EFHC2: variants seen among roughly 807,000 people sequenced by gnomAD.
EFHC2 encodes EF-hand domain containing 2.
In EFHC2, 18 loss-of-function variants were observed where a neutral mutation model predicts 52.7. The observed-to-expected ratio is 0.34, with a 90% CI of 0.24 to 0.51. The LOEUF (loss-of-function observed/expected upper bound fraction) is 0.51, where lower values mean the gene tolerates loss of function less well. Among genes scored for constraint, EFHC2 ranks in the 20% least tolerant of loss-of-function variants. The pLI, the probability that EFHC2 is intolerant of heterozygous loss-of-function variation, is 0.97. For synonymous variants in EFHC2, 203 were observed against 204.1 expected, an observed-to-expected ratio of 0.99 and a Z score of 0.04; for missense variants, 513 against 562.5, an observed-to-expected ratio of 0.91 and a Z score of 0.89.
intron 9 of EFHC2, among the ~76,000 whole-genome samples, chrX:44,234,850 A>G (rs967174591): frequency 1.8e-5 from 2 of 111,793 alleles, no homozygotes; most frequent in Non-Finnish European, 3.8e-5. Context: ...AGGACCAGAT[A>G]AAGATGGACC....
intron 11 of EFHC2, among the ~76,000 whole-genome samples, chrX:44,181,349 G>GAA (rs5902341): frequency 9.9e-6 from 1 of 100,924 alleles, no homozygotes; most frequent in African/African-American, 3.6e-5. Flanking sequence ...TTGTCTAAAT[G>GAA]AAAAAAAAAA....
chrX:44,274,152 T>C (rs2037637628), intron 2 of EFHC2, among the ~76,000 whole-genome samples: 1 of 112,452 alleles, frequency 8.9e-6, no homozygotes, highest in Non-Finnish European at 1.9e-5. Context: ...CAGTTACAAA[T>C]ACTAACCAGG....
rs547112803 is a variant in EFHC2, at chrX:44,221,431, T to C, written c.1751+8218A>G. On this transcript the variant is annotated intron_variant, in intron 11 of 14. Coordinates refer to ENST00000420999, the MANE Select transcript of EFHC2 (RefSeq NM_025184.4). ...TGATTTGAAATGTTCTCCATACTTATACGAAAGTTCATAAAAATAGCTCTT... is the reference window on the plus strand; with the variant it reads ...TGATTTGAAATGTTCTCCATACTTACACGAAAGTTCATAAAAATAGCTCTT... Among the ~76,000 whole-genome samples, 6 of 112,246 alleles carry C rather than the reference T, an allele frequency of 5.3e-5. No individual in the cohort carries two copies. In the South Asian group the frequency reaches 2.2e-3, roughly 41 times the overall value.
At chrX:44,238,964 A>C (rs1314588067) in intron 8 of EFHC2, among the ~76,000 whole-genome samples, 5 of 111,923 alleles carry the variant, frequency 4.5e-5, no homozygotes, top group African/African-American at 1.6e-4. Flanking sequence ...ACAAACACCC[A>C]GAACACTGCT....
Position 44,157,587 on chromosome X carries a change from C to T in EFHC2, c.2148+6335G>A, listed in dbSNP as rs772796961. 6.3e-5 allele frequency among the ~76,000 whole-genome samples: 7 copies of T among 110,505 alleles called. No homozygotes were observed. The East Asian group carries it at 2.0e-3, about 32-fold the overall frequency. On this transcript the variant is annotated intron_variant, in intron 14 of 14. Coordinates refer to ENST00000420999, the MANE Select transcript of EFHC2 (RefSeq NM_025184.4). ...ATTTCACTTCCCTTCATCCTGTTCC[C>T]TCCCTGCCAGGCCATGGTTTGGGAG...
chrX:44,303,362 T>C (rs2037881678), intron 2 of EFHC2, among the ~76,000 whole-genome samples: 1 of 111,243 alleles, frequency 9.0e-6, no homozygotes, highest in African/African-American at 3.3e-5. Flanking sequence ...GACAGCTGCT[T>C]CTCTCCCAAT....
chrX:44,212,341 G>T (rs1224685376), intron 11 of EFHC2, among the ~76,000 whole-genome samples: 2 of 112,149 alleles, frequency 1.8e-5, no homozygotes, highest in East Asian at 5.6e-4. Flanking sequence ...TCTCCATCAG[G>T]TTCTCACAGT....
At chrX:44,207,485 T>C (rs2037057329) in intron 11 of EFHC2, among the ~76,000 whole-genome samples, 1 of 109,148 alleles carries the variant, frequency 9.2e-6, no homozygotes, top group Admixed American at 9.8e-5. Flanking sequence ...TACTCCAGCC[T>C]GGGTGACAGA....
At chrX:44,159,714 G>A (rs993413181) in intron 14 of EFHC2, among the ~76,000 whole-genome samples, 6 of 112,459 alleles carry the variant, frequency 5.3e-5, no homozygotes, top group Admixed American at 9.4e-5. Context: ...TAAATGAATC[G>A]CAATTAGAAG....
At chrX:44,215,292 T>C (rs1038234197) in intron 11 of EFHC2, among the ~76,000 whole-genome samples, 2 of 111,417 alleles carry the variant, frequency 1.8e-5, no homozygotes, top group Non-Finnish European at 3.8e-5. Flanking sequence ...AACTGACTGA[T>C]ACAATTCGGA....
chrX:44,317,020 G>A (rs1173780479), intron 1 of EFHC2, among the ~76,000 whole-genome samples: 3 of 112,045 alleles, frequency 2.7e-5, no homozygotes, highest in African/African-American at 6.5e-5. Flanking sequence ...GAGACTGAAC[G>A]AAGGGGGATG....
chrX:44,221,284 T>C (rs1380510662), intron 11 of EFHC2, among the ~76,000 whole-genome samples: 2 of 111,606 alleles, frequency 1.8e-5, no homozygotes, highest in African/African-American at 6.5e-5. Flanking sequence ...AATTCTTCTG[T>C]AGTCAATATA....
At chrX:44,295,240 G>A (rs2037819097) in intron 2 of EFHC2, among the ~76,000 whole-genome samples, 1 of 111,807 alleles carries the variant, frequency 8.9e-6, no homozygotes, top group South Asian at 3.7e-4. Context: ...AAAGGAGAGG[G>A]AATTGCCAGT....
chrX:44,262,253 T>C (rs1189433949), intron 3 of EFHC2, among the ~76,000 whole-genome samples: 2 of 109,135 alleles, frequency 1.8e-5, no homozygotes, highest in Non-Finnish European at 3.8e-5. Flanking sequence ...CCACCACTTT[T>C]GGAGGCCGAG....
At chrX:44,307,094 C>G (rs2037911206) in intron 2 of EFHC2, among the ~76,000 whole-genome samples, 1 of 111,185 alleles carries the variant, frequency 9.0e-6, no homozygotes, top group African/African-American at 3.3e-5. Context: ...CAACTCCCAT[C>G]AGCCAAGAGC....
At chrX:44,173,083 G>T (rs2036758116) in intron 13 of EFHC2, among the ~76,000 whole-genome samples, 1 of 111,910 alleles carries the variant, frequency 8.9e-6, no homozygotes, top group Non-Finnish European at 1.9e-5. Context: ...GAAAATCCTG[G>T]TACCAAAATA....
chrX:44,234,262 A>T (rs182327413), intron 9 of EFHC2, among the ~76,000 whole-genome samples: 19 of 111,181 alleles, frequency 1.7e-4, no homozygotes, highest in Admixed American at 1.5e-3. Context: ...GACTACCATC[A>T]CTCCTTTCTA....
At chrX:44,265,155 T>C in intron 3 of EFHC2, among the ~76,000 whole-genome samples, 1 of 112,351 alleles carries the variant, frequency 8.9e-6, no homozygotes, top group Non-Finnish European at 1.9e-5. Context: ...TTTCATGTGT[T>C]TTCATGTTAT....
intron 11 of EFHC2, among the ~76,000 whole-genome samples, chrX:44,185,213 A>G (rs2036865006): frequency 8.9e-6 from 1 of 112,385 alleles, no homozygotes; most frequent in Non-Finnish European, 1.9e-5. Context: ...CTGAAACCTT[A>G]GAATCTATCT....
Sources: allele counts gnomAD v4.1 joint callset (sites outside exome capture counted in the v4.1 genomes callset), GRCh38; gene constraint gnomAD v4.1.1; transcripts MANE v1.5; gene names NCBI Gene and HGNC (gene_info 2026-07-23, HGNC 2026-07-21).